FAM184A: variants seen among roughly 807,000 people sequenced by gnomAD.
FAM184A encodes the protein protein FAM184A.
In FAM184A, 99 loss-of-function variants were observed where a neutral mutation model predicts 143.8. The observed-to-expected ratio is 0.69, with a 90% CI of 0.58 to 0.81. The LOEUF (loss-of-function observed/expected upper bound fraction) is 0.81, where lower values mean the gene tolerates loss of function less well. Ranked by LOEUF, FAM184A falls within the 40% of genes least tolerant of loss-of-function variation. FAM184A has a pLI of 0.00. For synonymous variants in FAM184A, 427 were observed against 446.4 expected (o/e 0.96, Z 0.55); for missense variants, 1,217 against 1,310.5 (o/e 0.93, Z 1.10).
intron 9 of FAM184A, among the ~76,000 whole-genome samples, chr6:118,986,496 C>T (rs554918755): frequency 2.6e-5 from 4 of 152,210 alleles, no homozygotes; most frequent in South Asian, 2.1e-4. Context: ...CTGCAGAGCA[C>T]GGCACTCTGA....
rs61299241 is a variant in FAM184A at position 119,009,014 on chromosome 6, T to C, written c.1653+2295A>G. 8.1e-3 allele frequency among the ~76,000 whole-genome samples: 1,228 copies of C among 152,290 alleles called. 12 individuals are homozygous for C. The highest frequency in any genetic ancestry group is 0.039 in the East Asian group (201 of 5,180). Reference sequence around the variant, plus strand: ...GAAAGAGTAGGGTTAAGAATTGAGTTCTGAAAGCACACTACCTGAAATGGA... The same window carrying C: ...GAAAGAGTAGGGTTAAGAATTGAGTCCTGAAAGCACACTACCTGAAATGGA... On this transcript the variant is annotated intron_variant, in intron 6 of 17. Transcript: ENST00000338891.
In FAM184A at chr6:119,078,106, G is replaced by C; in HGVS notation, c.159+35C>G. 1 of 1,554,164 alleles carries C rather than the reference G, an allele frequency of 6.4e-7. No individual in the cohort carries two copies. Among genetic ancestry groups the C allele is most frequent in the South Asian group, 1.2e-5 (1 of 84,894 alleles). On this transcript the variant is annotated intron_variant, in intron 1 of 17. Transcript: ENST00000338891. The surrounding 1 kb of genome is among the most constrained non-coding windows in gnomAD (Gnocchi z 5.5). Reference sequence around the variant, plus strand: ...CAGGTGAGTCCGGCGCGGCCCGCACGGGGTCGCCACCTGCCCCGTCGCTGC... The same window carrying C: ...CAGGTGAGTCCGGCGCGGCCCGCACCGGGTCGCCACCTGCCCCGTCGCTGC...
chr6:118,967,044 C>T, intron 14 of FAM184A, 92 bp from the exon 15 acceptor site: 2 of 605,282 alleles, frequency 3.3e-6, no homozygotes, highest in Non-Finnish European at 5.7e-6. Context: ...GTTGAACACA[C>T]ACAAAAATCT....
At chr6:119,141,444 G>A (rs781740330) in intron 1 of FAM184A, among the ~76,000 whole-genome samples, 10 of 152,112 alleles carry the variant, frequency 6.6e-5, no homozygotes, top group Non-Finnish European at 1.3e-4. Context: ...GTGGGCGGGG[G>A]GAGGATCCAG....
intron 1 of FAM184A, among the ~76,000 whole-genome samples, chr6:119,139,152 G>GT (rs1477408879): frequency 3.3e-5 from 5 of 152,136 alleles, no homozygotes; most frequent in Non-Finnish European, 7.4e-5. Flanking sequence ...AACAGAAGTG[G>GT]TTTTATCTGC....
chr6:119,089,507 T>G (rs560878719), intron 1 of FAM184A, among the ~76,000 whole-genome samples: 2 of 152,310 alleles, frequency 1.3e-5, no homozygotes, highest in African/African-American at 4.8e-5. Context: ...CTTGCTACAT[T>G]GCCCAGGCTG....
intron 1 of FAM184A, among the ~76,000 whole-genome samples, chr6:119,140,150 T>C (rs1772172629): frequency 6.6e-6 from 1 of 152,204 alleles, no homozygotes; most frequent in South Asian, 2.1e-4. Context: ...GCTTGGGTAC[T>C]AGAATGTTCA....
chr6:119,117,432 C>T (rs1476315936), intron 1 of FAM184A, among the ~76,000 whole-genome samples: 1 of 152,204 alleles, frequency 6.6e-6, no homozygotes, highest in Non-Finnish European at 1.5e-5. Flanking sequence ...TTAAAGTTGT[C>T]AGTAGGCCAT....
At chr6:119,049,076 GCT>G (rs1786644832) in intron 1 of FAM184A, among the ~76,000 whole-genome samples, 1 of 152,164 alleles carries the variant, frequency 6.6e-6, no homozygotes, top group East Asian at 1.9e-4. Flanking sequence ...AAAGGACAAA[GCT>G]GGATCCATCA....
In FAM184A at chr6:119,078,028, A is replaced by C. The variant is rs1787933543; in HGVS notation, c.159+113T>G. The C allele has an allele frequency of 1.3e-5, 16 of 1,239,666 alleles. No individual in the cohort carries two copies. The highest frequency in any genetic ancestry group is 1.6e-5 in the African/African-American group (1 of 63,882). The allele number at this position is 1,239,666 out of a possible 1,614,324, so 76.8% of individuals were successfully genotyped here. On this transcript the variant is annotated intron_variant, in intron 1 of 17. Transcript: ENST00000338891. This position sits in a 1 kb window ranked among gnomAD's most constrained non-coding sequence, Gnocchi z 5.5. The stretch of plus-strand genomic sequence containing the variant: ...GTGTCTCCGGCTGTTGCTTCGGCGG[A>C]GGAGTAGAGTTCCCCTCGCTGCGGG...
At chr6:119,102,863 A>G (rs1436799059) in intron 1 of FAM184A, among the ~76,000 whole-genome samples, 1 of 151,806 alleles carries the variant, frequency 6.6e-6, no homozygotes, top group Non-Finnish European at 1.5e-5. Flanking sequence ...GAACAATATG[A>G]GCTCTAAAGT....
At chr6:119,099,755 AG>A (rs777587367) in intron 1 of FAM184A, among the ~76,000 whole-genome samples, 1 of 151,980 alleles carries the variant, frequency 6.6e-6, no homozygotes, top group Non-Finnish European at 1.5e-5. Context: ...AGCTTCCTGG[AG>A]GGGGGCGCAC....
At chr6:119,091,068 C>A (rs1788350996) in intron 1 of FAM184A, among the ~76,000 whole-genome samples, 1 of 152,110 alleles carries the variant, frequency 6.6e-6, no homozygotes, top group Non-Finnish European at 1.5e-5. Context: ...CATAAAGAGC[C>A]AAAGTGAGCA....
chr6:119,018,893 T>TA (rs768599052), intron 4 of FAM184A, among the ~76,000 whole-genome samples: 1 of 151,966 alleles, frequency 6.6e-6, no homozygotes, highest in East Asian at 1.9e-4. Context: ...AGCAACTAGA[T>TA]AGACAGTGGT....
intron 1 of FAM184A, among the ~76,000 whole-genome samples, chr6:119,074,166 G>C (rs1464640644): frequency 6.6e-6 from 1 of 152,214 alleles, no homozygotes; most frequent in Non-Finnish European, 1.5e-5. Context: ...TCACCAGCTA[G>C]CTTCTTCACT....
intron 1 of FAM184A, among the ~76,000 whole-genome samples, chr6:119,056,513 C>T (rs896256166): frequency 3.0e-4 from 45 of 152,328 alleles, no homozygotes; most frequent in African/African-American, 1.0e-3. Context: ...CATTACTTGG[C>T]ATTGGGCATC....
At chr6:119,141,925 C>T (rs932213071) in intron 1 of FAM184A, among the ~76,000 whole-genome samples, 5 of 152,204 alleles carry the variant, frequency 3.3e-5, no homozygotes, top group African/African-American at 4.8e-5. Flanking sequence ...TTTCTTACAT[C>T]ATCTCCTTAA....
At chr6:118,984,826 A>T (rs1784141942) in intron 9 of FAM184A, among the ~76,000 whole-genome samples, 1 of 152,188 alleles carries the variant, frequency 6.6e-6, no homozygotes, top group Non-Finnish European at 1.5e-5. Context: ...GATTTTCATA[A>T]AGACAGTTGC....
At chr6:118,974,401 T>C (rs775498010) in intron 14 of FAM184A, 27 bp downstream of exon 14, 3 of 1,583,664 alleles carry the variant, frequency 1.9e-6, no homozygotes, top group South Asian at 1.2e-5. Flanking sequence ...TATCCACATA[T>C]GAATTTTCTT....
Sources: allele counts gnomAD v4.1 joint callset (sites outside exome capture counted in the v4.1 genomes callset), GRCh38; gene constraint gnomAD v4.1.1; non-coding constraint Gnocchi (gnomAD v3.1); transcripts MANE v1.5; gene names NCBI Gene and HGNC (gene_info 2026-07-23, HGNC 2026-07-21).